TRPM6: variants seen among roughly 807,000 people sequenced by gnomAD.
TRPM6 encodes the protein transient receptor potential cation channel subfamily M member 6, also known as channel kinase 2.
A neutral mutation model predicts 247.6 loss-of-function variants in TRPM6; 111 were observed. The observed-to-expected ratio is 0.45, with a 90% confidence interval of 0.38 to 0.52. The LOEUF is 0.52. Ranked by LOEUF, TRPM6 falls within the 20% of genes least tolerant of loss-of-function variation. The pLI, the probability that TRPM6 is intolerant of heterozygous loss-of-function variation, is 0.00. For synonymous variants in TRPM6, 892 were observed against 853.8 expected (o/e 1.04, Z -0.78); for missense variants, 2,126 against 2,421.5 (o/e 0.88, Z 2.56).
At chr9:74,849,784 C>T (rs1157861761) in intron 3 of TRPM6, among the ~76,000 whole-genome samples, 3 of 152,170 alleles carry the variant, frequency 2.0e-5, no homozygotes, top group Non-Finnish European at 4.4e-5. Context: ...AGCACTGGAC[C>T]AGGAGATGGC....
In TRPM6 at chr9:74,833,915, C is replaced by T. The variant is rs953698243; in HGVS notation, c.669+83G>A. On this transcript the variant is annotated intron_variant, in intron 6 of 38. Coordinates refer to ENST00000360774, the MANE Select transcript of TRPM6 (RefSeq NM_017662.5). ...ATATATTACATCTGTAATGTTCATTCATTAGACATCCAGGTACAGTGTTAA... is the reference window on the plus strand; with the variant it reads ...ATATATTACATCTGTAATGTTCATTTATTAGACATCCAGGTACAGTGTTAA... 8 of 1,560,862 alleles carry T rather than the reference C, an allele frequency of 5.1e-6. No individual in the cohort carries two copies. The South Asian group carries it at 9.0e-5, about 17-fold the overall frequency.
intron 1 of TRPM6, among the ~76,000 whole-genome samples, chr9:74,866,786 A>C (rs774233252): frequency 6.6e-6 from 1 of 151,978 alleles, no homozygotes; most frequent in Non-Finnish European, 1.5e-5. Flanking sequence ...CAGCCTCAGG[A>C]GTATCTTATT....
chr9:74,816,251 C>T (rs1828919924), intron 11 of TRPM6, among the ~76,000 whole-genome samples: 1 of 151,998 alleles, frequency 6.6e-6, no homozygotes, highest in South Asian at 2.1e-4. Flanking sequence ...CGCCTGTGGT[C>T]CCAGCTACTC....
intron 6 of TRPM6, among the ~76,000 whole-genome samples, chr9:74,831,969 A>G (rs1829562028): frequency 6.6e-6 from 1 of 152,202 alleles, no homozygotes; most frequent in South Asian, 2.1e-4. Context: ...ATTATAATTA[A>G]ATGTCATCAC....
At chr9:74,800,911 T>TG (rs1251047365) in intron 16 of TRPM6, among the ~76,000 whole-genome samples, 1 of 151,324 alleles carries the variant, frequency 6.6e-6, no homozygotes, top group Non-Finnish European at 1.5e-5. Flanking sequence ...TGTGTTTTTT[T>TG]TTTTTTTTTT....
In TRPM6 at chr9:74,808,134, A is replaced by C; in HGVS notation, c.1538T>G (p.Ile513Ser). ...AATGAGGTATTCTACTACTAATCCA[A>C]TGTCAATCAAGGTTATTCGGTAGCC... ...LSGYRITLIDIGLVVEYLIGR... is the reference protein window; with the variant it reads ...LSGYRITLIDSGLVVEYLIGR... The change falls in exon 14 of 39, where the codon ATT becomes AGT. Residue 513 changes from isoleucine to serine, a missense_variant. Around this residue, in one of 3 missense-constraint regions of TRPM6, gnomAD observed 1,082 missense variants for 1,307.9 expected, o/e 0.83. Coordinates refer to ENST00000360774, the MANE Select transcript of TRPM6 (RefSeq NM_017662.5). The C allele has an allele frequency of 1.2e-6, 2 of 1,613,956 alleles. No individual in the cohort carries two copies. The highest frequency in any genetic ancestry group is 1.7e-6 in the Non-Finnish European group (2 of 1,179,914).
chr9:74,875,346 C>T, intron 1 of TRPM6: 1 of 432,666 alleles, frequency 2.3e-6, no homozygotes, highest in African/African-American at 2.0e-5. Context: ...AGTTCGAGAC[C>T]AGCCTGGCCA....
At chr9:74,833,598 T>C (rs1036024340) in intron 6 of TRPM6, among the ~76,000 whole-genome samples, 1 of 152,184 alleles carries the variant, frequency 6.6e-6, no homozygotes, top group Admixed American at 6.5e-5. Flanking sequence ...GCTACTATGT[T>C]GAGACTATGC....
At chr9:74,765,256 T>A (rs569847041) in intron 25 of TRPM6, among the ~76,000 whole-genome samples, 1 of 152,160 alleles carries the variant, frequency 6.6e-6, no homozygotes, top group Non-Finnish European at 1.5e-5. Flanking sequence ...GTTTTCAAAT[T>A]TGGTATAAAA....
intron 3 of TRPM6, among the ~76,000 whole-genome samples, chr9:74,842,616 A>G (rs1362292693): frequency 2.6e-5 from 4 of 152,228 alleles, no homozygotes; most frequent in Admixed American, 1.3e-4. Flanking sequence ...GTTCCAGTCC[A>G]CTACAATAAA....
At position 74,728,292 on chromosome 9, in the gene TRPM6, T is replaced by G. The variant is rs1452310340; in HGVS notation, c.5882A>C (p.Asn1961Thr). ...PANLGEDAIR[N>T]FIAKHHCNSC... ...GTTACAATGATGTTTTGCAATGAAG[T>G]TTCTAATTGCATCTTCCCCCAAATT... Residue 1961 changes from asparagine to threonine, a missense_variant, in exon 38 of 39, where the codon AAC (asparagine) becomes ACC (threonine). By Grantham distance (65) the Asn-to-Thr change is moderately conservative. Around this residue, in one of 3 missense-constraint regions of TRPM6, gnomAD observed 327 missense variants for 397.7 expected, o/e 0.82. Transcript: ENST00000360774. 1 of 1,614,154 alleles carries G rather than the reference T, an allele frequency of 6.2e-7. No homozygotes were observed. The highest frequency in any genetic ancestry group is 1.7e-5 in the Admixed American group (1 of 60,012).
intron 38 of TRPM6, among the ~76,000 whole-genome samples, chr9:74,726,747 A>T (rs562298543): frequency 6.6e-6 from 1 of 152,096 alleles, no homozygotes; most frequent in Non-Finnish European, 1.5e-5. Context: ...GAGGATGTTG[A>T]GTGAATGAGC....
At chr9:74,791,632 T>G (rs960370474) in intron 19 of TRPM6, among the ~76,000 whole-genome samples, 2 of 152,238 alleles carry the variant, frequency 1.3e-5, no homozygotes, top group Non-Finnish European at 2.9e-5. Flanking sequence ...ACAGTTCAGC[T>G]TCTAACATTT....
intron 2 of TRPM6, chr9:74,857,838 G>A (rs751038042): frequency 6.6e-6 from 1 of 152,186 alleles, no homozygotes; most frequent in Non-Finnish European, 1.5e-5. Context: ...TCTGGGCACA[G>A]TGTACTTAAA....
intron 1 of TRPM6, among the ~76,000 whole-genome samples, chr9:74,886,234 C>T (rs371032655): frequency 1.8e-4 from 28 of 152,288 alleles, no homozygotes; most frequent in African/African-American, 6.7e-4. Context: ...CTAACTCCTA[C>T]CCTAGATGGT....
At chr9:74,740,374 C>T (rs1388407324) in intron 33 of TRPM6, among the ~76,000 whole-genome samples, 1 of 152,188 alleles carries the variant, frequency 6.6e-6, no homozygotes, top group African/African-American at 2.4e-5. Context: ...TATCATCCTC[C>T]TAAGGAGCCT....
chr9:74,752,976 G>A (rs1402744481), intron 28 of TRPM6, among the ~76,000 whole-genome samples: 1 of 152,016 alleles, frequency 6.6e-6, no homozygotes, highest in Non-Finnish European at 1.5e-5. Context: ...AACCAGGTGT[G>A]GTGGTGCATA....
Position 74,762,240 on chromosome 9 carries a change from G to A in TRPM6, c.4431C>T (p.Pro1477=), listed in dbSNP as rs1195548325. The A allele has an allele frequency of 2.5e-6, 4 of 1,614,190 alleles. No homozygotes were observed. The highest frequency in any genetic ancestry group is 1.7e-5 in the Admixed American group (1 of 60,028). Residue 1477 remains proline (P), a synonymous_variant, in exon 26 of 39, where the codon CCC becomes CCT. Transcript: ENST00000360774. Reference sequence around the variant, plus strand: ...GAGAGGAATCACTGTCACAAGTGGAGGGCAAGCAGGTTTGCCACTTTTTCT... The same window carrying A: ...GAGAGGAATCACTGTCACAAGTGGAAGGCAAGCAGGTTTGCCACTTTTTCT... The part of the protein sequence containing the change: ...SIKKKWQTCL[P]STCDSDSSRS...
Position 74,821,814 on chromosome 9 carries a change from C to G in TRPM6, c.865G>C (p.Val289Leu). ...GGACCGCCTTCCACCACCAGCCCCA[C>G]GACCGGCACGCCTTGTCTTGAGCCT... is the stretch of plus-strand genomic sequence containing the variant. ...HCRSRQGVPVVGLVVEGGPNV... is the reference protein window; with the variant it reads ...HCRSRQGVPVLGLVVEGGPNV... The change falls in exon 8 of 39, where the codon GTG (valine) becomes CTG (leucine). Residue 289 changes from valine (V) to leucine (L), a missense_variant. By Grantham distance (32) the Val-to-Leu change is conservative (BLOSUM62 1). This residue lies in a region of TRPM6 where 1,082 missense variants were observed against 1,307.9 expected (regional missense o/e 0.83). Coordinates refer to ENST00000360774, the MANE Select transcript of TRPM6 (RefSeq NM_017662.5). 1 of 1,614,136 alleles carries G rather than the reference C, an allele frequency of 6.2e-7. No homozygotes were observed.
Sources: allele counts gnomAD v4.1 joint callset (sites outside exome capture counted in the v4.1 genomes callset), GRCh38; gene constraint gnomAD v4.1.1; regional missense constraint gnomAD v4.1.1; transcripts MANE v1.5; gene names NCBI Gene and HGNC (gene_info 2026-07-23, HGNC 2026-07-21).